Variants in DYNC1I1 observed in about 807,000 individuals in gnomAD.
DYNC1I1 encodes the protein dynein cytoplasmic 1 intermediate chain 1, also known as cytoplasmic dynein 1 intermediate chain 1.
In DYNC1I1, 43 loss-of-function variants were observed where a neutral mutation model predicts 86.6. The observed-to-expected ratio is 0.50, with a 90% CI of 0.39 to 0.64. DYNC1I1 has a LOEUF of 0.64. DYNC1I1 is among the 30% of genes least tolerant of loss of function. The pLI is 0.00. For missense variants in DYNC1I1, 604 were observed against 788.8 expected (o/e 0.77, Z 2.81); for synonymous variants, 262 against 283.7 (o/e 0.92, Z 0.77).
chr7:95,924,464 T>C (rs917068645), intron 6 of DYNC1I1, among the ~76,000 whole-genome samples: 2 of 152,188 alleles, frequency 1.3e-5, no homozygotes, highest in Non-Finnish European at 2.9e-5. Flanking sequence ...GAGTATATTA[T>C]TAAGGTTACT....
chr7:96,097,915 A>C lies in DYNC1I1; in HGVS notation c.*322A>C. On this transcript the variant is annotated 3_prime_UTR_variant, in exon 17 of 17. Coordinates refer to ENST00000447467, the MANE Select transcript of DYNC1I1 (RefSeq NM_001135556.2). ...AACCTCTGGTTAAATTTGTGCTTACATGCACTCCTGGCATAGTCCTATTAA... is the reference window on the plus strand; with the variant it reads ...AACCTCTGGTTAAATTTGTGCTTACCTGCACTCCTGGCATAGTCCTATTAA... 10 of 1,069,674 alleles carry C rather than the reference A, an allele frequency of 9.3e-6. No individual in the cohort carries two copies. Among genetic ancestry groups the C allele is most frequent in the South Asian group, 3.4e-5 (1 of 29,120 alleles). 66.3% of individuals were successfully genotyped at this position (1,069,674 alleles called of 1,614,324 possible).
intron 15 of DYNC1I1, among the ~76,000 whole-genome samples, chr7:96,078,075 G>A (rs1790397474): frequency 6.6e-6 from 1 of 152,052 alleles, no homozygotes; most frequent in Non-Finnish European, 1.5e-5. Flanking sequence ...CTTCTGGCAA[G>A]TTGAACAAGA....
intron 5 of DYNC1I1, among the ~76,000 whole-genome samples, chr7:95,852,084 TA>T (rs756109501): frequency 6.6e-6 from 1 of 152,176 alleles, no homozygotes; most frequent in African/African-American, 2.4e-5. Flanking sequence ...AAATTGCTAT[TA>T]GTTCTTCTTT....
intron 6 of DYNC1I1, among the ~76,000 whole-genome samples, chr7:95,965,984 G>C (rs1793002240): frequency 6.6e-6 from 1 of 152,268 alleles, no homozygotes; most frequent in Non-Finnish European, 1.5e-5. Context: ...CATGTGGTGA[G>C]CCATGGCAGC....
chr7:96,032,480 T>A (rs969657866), intron 11 of DYNC1I1, among the ~76,000 whole-genome samples, 187 bp from the exon 12 acceptor site: 1 of 152,208 alleles, frequency 6.6e-6, no homozygotes, highest in Non-Finnish European at 1.5e-5. Flanking sequence ...TCCACTATTA[T>A]GTGTTGCTGC....
intron 9 of DYNC1I1, 72 bp downstream of exon 9, chr7:95,987,227 T>C (rs962896745): frequency 3.7e-6 from 5 of 1,344,224 alleles, no homozygotes; most frequent in Non-Finnish European, 5.3e-6. Context: ...AAATAAGAGA[T>C]TTGTTTACTT....
At chr7:95,776,700 A>G (rs1360016583) in intron 1 of DYNC1I1, among the ~76,000 whole-genome samples, 1 of 152,184 alleles carries the variant, frequency 6.6e-6, no homozygotes, top group Non-Finnish European at 1.5e-5. Context: ...TTTTTGTGGC[A>G]TTTCACCAGG....
At chr7:95,819,391 CT>C (rs1795024601) in intron 4 of DYNC1I1, among the ~76,000 whole-genome samples, 1 of 151,910 alleles carries the variant, frequency 6.6e-6, no homozygotes, top group South Asian at 2.1e-4. Context: ...AAAATGTGTT[CT>C]GGGGCCACAT....
At chr7:95,959,442 C>A (rs1024748268) in intron 6 of DYNC1I1, among the ~76,000 whole-genome samples, 5 of 152,150 alleles carry the variant, frequency 3.3e-5, no homozygotes, top group Admixed American at 2.0e-4. Context: ...GGAAGGAAAT[C>A]TTTCAGAGAT....
chr7:96,106,561 G>GAA (rs1189170854), intron 16 of DYNC1I1, among the ~76,000 whole-genome samples: 1 of 151,930 alleles, frequency 6.6e-6, no homozygotes, highest in East Asian at 1.9e-4. Context: ...AAGAGAGAGA[G>GAA]AAATCCCTCT....
intron 9 of DYNC1I1, among the ~76,000 whole-genome samples, chr7:95,992,820 G>C (rs943141754): frequency 7.2e-5 from 11 of 152,122 alleles, no homozygotes; most frequent in Non-Finnish European, 1.2e-4. Flanking sequence ...TCACCATGTT[G>C]GCAAGGCTGG....
At chr7:95,978,639 T>A (rs1270289101) in intron 7 of DYNC1I1, among the ~76,000 whole-genome samples, 1 of 151,952 alleles carries the variant, frequency 6.6e-6, no homozygotes, top group African/African-American at 2.4e-5. Context: ...TGGTTGTGGC[T>A]CTGGCACAGT....
At chr7:96,011,785 A>G (rs1794281182) in intron 10 of DYNC1I1, among the ~76,000 whole-genome samples, 1 of 152,226 alleles carries the variant, frequency 6.6e-6, no homozygotes, top group East Asian at 1.9e-4. Flanking sequence ...ATTCCTAATT[A>G]GTCTTTGACA....
chr7:95,876,594 A>G (rs1465736100), intron 6 of DYNC1I1, among the ~76,000 whole-genome samples: 1 of 152,234 alleles, frequency 6.6e-6, no homozygotes, highest in Non-Finnish European at 1.5e-5. Flanking sequence ...AAAGACAAAC[A>G]GAAAAGCATA....
At chr7:95,874,536 G>A (rs1247729455) in intron 6 of DYNC1I1, among the ~76,000 whole-genome samples, 1 of 152,174 alleles carries the variant, frequency 6.6e-6, no homozygotes, top group Non-Finnish European at 1.5e-5. Flanking sequence ...TATATTGAAG[G>A]CTTAACCCCT....
At chr7:95,868,467 C>A (rs1383231799) in intron 5 of DYNC1I1, among the ~76,000 whole-genome samples, 1 of 152,032 alleles carries the variant, frequency 6.6e-6, no homozygotes, top group East Asian at 1.9e-4. Flanking sequence ...CCGCTAGTAA[C>A]AATTAAGGAC....
chr7:95,902,279 A>T (rs1791058973), intron 6 of DYNC1I1, among the ~76,000 whole-genome samples: 1 of 152,208 alleles, frequency 6.6e-6, no homozygotes, highest in African/African-American at 2.4e-5. Context: ...ATGTAGAAAA[A>T]TACATGGAAT....
At chr7:95,842,890 ATT>A (rs60165321) in intron 5 of DYNC1I1, among the ~76,000 whole-genome samples, 24 of 149,850 alleles carry the variant, frequency 1.6e-4, no homozygotes, top group Non-Finnish European at 2.4e-4. Flanking sequence ...GACATTGTGA[ATT>A]TTTTTTTTTA....
chr7:96,080,778 G>A (rs1262893715), intron 16 of DYNC1I1, among the ~76,000 whole-genome samples: 1 of 152,094 alleles, frequency 6.6e-6, no homozygotes, highest in Non-Finnish European at 1.5e-5. Context: ...TCATGAGAAT[G>A]AAAAGTTTAG....
Sources: gnomAD v4.1 joint callset for allele counts (sites outside exome capture counted in the v4.1 genomes callset) on GRCh38, gnomAD v4.1.1 for gene constraint, MANE v1.5 for transcripts, NCBI Gene and HGNC (gene_info 2026-07-23, HGNC 2026-07-21) for gene names.